The following UNC13B variants were observed in gnomAD, a reference collection of about 807,000 sequenced individuals.
The protein encoded by UNC13B is protein unc-13 homolog B.
UNC13B carries 144 observed loss-of-function variants against 211.0 expected under a neutral mutation model. That is an observed-to-expected ratio of 0.68 (90% CI 0.60 to 0.78). UNC13B has a LOEUF of 0.78. Among genes scored for constraint, UNC13B ranks in the 30% least tolerant of loss-of-function variants. The probability of loss-of-function intolerance (pLI) is 0.00; values close to 1 mark genes in which losing one functional copy is unlikely to be tolerated. For synonymous variants in UNC13B, 709 were observed against 725.8 expected, an observed-to-expected ratio of 0.98 and a Z score of 0.37; for missense variants, 1,777 against 2,002.0, an observed-to-expected ratio of 0.89 and a Z score of 2.14.
Position 35,376,183 on chromosome 9 carries a change from C to A in UNC13B, c.9771C>A (p.Cys3257Ter). The change falls in exon 15 of 40, where the codon TGC (cysteine) becomes TGA (stop). Residue 3257 changes from cysteine to a stop codon, truncating the protein, a stop_gained. Coordinates refer to ENST00000635942, the MANE Select transcript of UNC13B (RefSeq NM_001371189.2). LOFTEE classifies it high-confidence loss of function. ...GCATTGCCCGGCAGGGCATGCGCTG[C>A]AGCGAATGTGGAGTCAAGTGCCATG... ...LWGIARQGMR[C>*]SECGVKCHEK... 2 of 1,614,156 alleles carry A rather than the reference C, an allele frequency of 1.2e-6. No homozygotes were observed. The highest frequency in any genetic ancestry group is 1.7e-6 in the Non-Finnish European group (2 of 1,180,028).
chr9:35,381,426 C>T, intron 19 of UNC13B, 130 bp from the exon 20 acceptor site: 1 of 1,210,856 alleles, frequency 8.3e-7, no homozygotes, highest in Non-Finnish European at 1.1e-6. Flanking sequence ...ACAGGAGGAA[C>T]TGAGCAATGA....
chr9:35,211,014 A>T (rs1405072333), intron 1 of UNC13B, among the ~76,000 whole-genome samples: 1 of 152,126 alleles, frequency 6.6e-6, no homozygotes, highest in Admixed American at 6.5e-5. Context: ...GGACTACAGG[A>T]GTGCAATACT....
At chr9:35,251,116 C>A (rs1826451149) in intron 6 of UNC13B, among the ~76,000 whole-genome samples, 1 of 151,942 alleles carries the variant, frequency 6.6e-6, no homozygotes, top group Non-Finnish European at 1.5e-5. Flanking sequence ...GCACCCGCCA[C>A]CGCACCCGGC....
At position 35,209,281 on chromosome 9, in the gene UNC13B, C is replaced by T. The variant is rs1823834915; in HGVS notation, c.23-18734C>T. On this transcript the variant is annotated intron_variant, in intron 1 of 39. Transcript: ENST00000635942. ...GTTTTACCATGTTGGCCAGGCTAGTCTTGATCTCCTGACCTCAAGTGATCT... is the reference window on the plus strand; with the variant it reads ...GTTTTACCATGTTGGCCAGGCTAGTTTTGATCTCCTGACCTCAAGTGATCT... Among the ~76,000 whole-genome samples, 3 of 152,274 alleles carry T rather than the reference C, an allele frequency of 2.0e-5. No individual in the cohort carries two copies. In the South Asian group the frequency reaches 6.2e-4, roughly 32 times the overall value.
In UNC13B at chr9:35,259,071, T is replaced by C. The variant is rs761304777; in HGVS notation, c.526+21T>C. On this transcript the variant is annotated intron_variant, in intron 7 of 39. Coordinates refer to ENST00000635942, the MANE Select transcript of UNC13B (RefSeq NM_001371189.2). ...GTGTTGTAAGTGAGAAACTTGTCTA[T>C]GAATCTCTTTTAATTGTAGCTTTCT... The C allele has an allele frequency of 1.4e-5, 23 of 1,612,854 alleles. 1 individual carries two copies. In the South Asian group the frequency reaches 2.4e-4, roughly 17 times the overall value.
chr9:35,328,654 TCCTTCCTTCCTC>T lies in UNC13B; in HGVS notation c.9414+14669_9414+14680del, dbSNP rs1394403494. ...TTCCTTCCTTCCTTCCTTCCTTCCT[TCCTTCCTTCCTC>T]CCTCCCTTCCTTCCCTTCCCTTTCT... is the stretch of plus-strand genomic sequence containing the variant. On this transcript the variant is annotated intron_variant, in intron 11 of 39. Coordinates refer to ENST00000635942, the MANE Select transcript of UNC13B (RefSeq NM_001371189.2). 2.9e-3 allele frequency among the ~76,000 whole-genome samples: 295 copies of T among 101,242 alleles called. 15 individuals are homozygous for T. Among genetic ancestry groups the T allele is most frequent in the African/African-American group, 0.012 (252 of 21,834 alleles). 66.4% of individuals were successfully genotyped at this position (101,242 alleles called of 152,430 possible).
chr9:35,307,687 A>G lies in UNC13B; in HGVS notation c.8283A>G (p.Pro2761=), dbSNP rs1300291397. The G allele has an allele frequency of 7.5e-6, 3 of 398,856 alleles. No homozygotes were observed. In the Admixed American group the frequency reaches 1.3e-4, roughly 18 times the overall value. 24.7% of individuals were successfully genotyped at this position (398,856 alleles called of 1,614,324 possible). The change falls in exon 9 of 40, where the codon CCA becomes CCG. Residue 2761 remains proline, a synonymous_variant. Coordinates refer to ENST00000635942, the MANE Select transcript of UNC13B (RefSeq NM_001371189.2). ...VVPQETEQSR[P]RFEIPNVTTW... ...CCCAGGAAACAGAGCAGTCAAGACC[A>G]CGTTTTGAGATCCCAAATGTGACCA...
chr9:35,255,050 TATA>T (rs921932422), intron 6 of UNC13B, among the ~76,000 whole-genome samples: 137 of 119,612 alleles, frequency 1.1e-3, no homozygotes, highest in African/African-American at 4.0e-3. Flanking sequence ...TTATATATAA[TATA>T]ATATATATTA....
At position 35,303,736 on chromosome 9, in the gene UNC13B, T is replaced by C. The variant is rs1367371226; in HGVS notation, c.4332T>C (p.Gly1444=). 7.5e-6 allele frequency: 3 copies of C among 398,610 alleles called. No individual in the cohort carries two copies. Among genetic ancestry groups the C allele is most frequent in the East Asian group, 7.1e-5 (2 of 28,056 alleles). 24.7% of individuals were successfully genotyped at this position (398,610 alleles called of 1,614,324 possible). ...TTAATGAAGATTACTTATTAAGAGG[T>C]GATGTGTGGGCAGCTAACTCATTAT... ...LAFNEDYLLR[G]DVWAANSLYG... The change falls in exon 9 of 40, where the codon GGT becomes GGC. Residue 1444 remains glycine (G), a synonymous_variant. Coordinates refer to ENST00000635942, the MANE Select transcript of UNC13B (RefSeq NM_001371189.2).
rs1190328329 is a variant in UNC13B at position 35,303,321 on chromosome 9, C to A, written c.3917C>A (p.Ser1306Tyr). ...PSAQLGFLEK[S>Y]MAKRQMPNHV... ...GCTCAGCTAGGTTTTTTGGAGAAAT[C>A]TATGGCTAAGAGGCAAATGCCAAAC... The change falls in exon 9 of 40, where the codon TCT becomes TAT. Residue 1306 changes from serine (S) to tyrosine (Y), a missense_variant. Ser to Tyr is a moderately radical substitution (Grantham distance 144). Coordinates refer to ENST00000635942, the MANE Select transcript of UNC13B (RefSeq NM_001371189.2). 4 of 398,632 alleles carry A rather than the reference C, an allele frequency of 1.0e-5. No homozygotes were observed. In the Admixed American group the frequency reaches 1.3e-4, roughly 13 times the overall value. 24.7% of individuals were successfully genotyped at this position (398,632 alleles called of 1,614,324 possible).
At chr9:35,377,718 G>A in intron 16 of UNC13B, 23 bp downstream of exon 16, 2 of 1,608,008 alleles carry the variant, frequency 1.2e-6, no homozygotes, top group Non-Finnish European at 1.7e-6. Context: ...CAGTTTGAGG[G>A]GACAGGAAGG....
intron 27 of UNC13B, 35 bp downstream of exon 27, chr9:35,396,637 AG>A: frequency 1.2e-6 from 2 of 1,612,432 alleles, no homozygotes; most frequent in Non-Finnish European, 1.7e-6. Flanking sequence ...GAGGGAAGGG[AG>A]CCCTCTGGGT....
chr9:35,272,581 T>C (rs905853327), intron 7 of UNC13B, among the ~76,000 whole-genome samples: 1 of 152,194 alleles, frequency 6.6e-6, no homozygotes, highest in Non-Finnish European at 1.5e-5. Context: ...CTTTATACTT[T>C]ATTGTACTTT....
intron 1 of UNC13B, among the ~76,000 whole-genome samples, chr9:35,181,776 G>A (rs866904375): frequency 2.0e-5 from 3 of 152,174 alleles, no homozygotes; most frequent in Admixed American, 2.0e-4. Flanking sequence ...GGTGGAGGTT[G>A]CAGTGAGGCC....
At chr9:35,196,976 G>A (rs1445887617) in intron 1 of UNC13B, among the ~76,000 whole-genome samples, 7 of 151,936 alleles carry the variant, frequency 4.6e-5, no homozygotes, top group Non-Finnish European at 7.4e-5. Context: ...TCCCTATGTT[G>A]CCCAGGCTGG....
intron 5 of UNC13B, among the ~76,000 whole-genome samples, chr9:35,239,516 ATG>A (rs1221315968): frequency 6.6e-6 from 1 of 152,206 alleles, no homozygotes; most frequent in Non-Finnish European, 1.5e-5. Context: ...AAAATTGCTA[ATG>A]AAGTTTCGGG....
rs374600722 is a variant in UNC13B, at chr9:35,303,111, C to T, written c.3707C>T (p.Pro1236Leu). The T allele has an allele frequency of 6.2e-4, 246 of 398,558 alleles. 2 individuals carry two copies. The South Asian group carries it at 0.02, about 32-fold the overall frequency. 24.7% of individuals were successfully genotyped at this position (398,558 alleles called of 1,614,324 possible). A position where few individuals can be genotyped will look rare whatever the true frequency, so the allele number is the denominator to read the frequency against. The change falls in exon 9 of 40, where the codon CCG becomes CTG. Residue 1236 changes from proline (P) to leucine (L), a missense_variant. By Grantham distance (98) the Pro-to-Leu change is moderately conservative. Transcript: ENST00000635942. ...ACTTCATGTGTGACTTCTGAGAACC[C>T]GAAGAACCATGTTGAAAAACATGAA... ...PATSCVTSEN[P>L]KNHVEKHETS...
In UNC13B at chr9:35,300,619, T is replaced by C; in HGVS notation, c.1215T>C (p.His405=). 1 of 399,004 alleles carries C rather than the reference T, an allele frequency of 2.5e-6. No individual in the cohort carries two copies. The highest frequency in any genetic ancestry group is 4.4e-6 in the Non-Finnish European group (1 of 226,030). The allele number at this position is 399,004 out of a possible 1,614,324, so 24.7% of individuals were successfully genotyped here. ...CATGGCATTCATCCAATGTCCACCA[T>C]ATTGGAGATTTTCCTGAGGAATATT... ...SPTWHSSNVH[H]IGDFPEEYYV... Residue 405 remains histidine, a synonymous_variant, in exon 9 of 40, where the codon CAT becomes CAC. Coordinates refer to ENST00000635942, the MANE Select transcript of UNC13B (RefSeq NM_001371189.2).
chr9:35,202,985 G>A (rs1191842409), intron 1 of UNC13B, among the ~76,000 whole-genome samples: 3 of 151,902 alleles, frequency 2.0e-5, no homozygotes, highest in Non-Finnish European at 4.4e-5. Context: ...GTAGAGACGG[G>A]TTTTCACCAT....
Sources: allele counts gnomAD v4.1 joint callset (sites outside exome capture counted in the v4.1 genomes callset), GRCh38; gene constraint gnomAD v4.1.1; transcripts MANE v1.5; gene names NCBI Gene and HGNC (gene_info 2026-07-23, HGNC 2026-07-21).